POLRMT: variants seen among roughly 807,000 people sequenced by gnomAD.
The protein encoded by POLRMT is RNA polymerase mitochondrial.
In POLRMT, 114 loss-of-function variants were observed where a neutral mutation model predicts 132.2. The ratio of observed to expected loss-of-function variants is 0.86; its 90% CI spans 0.74 to 1.01. The LOEUF (loss-of-function observed/expected upper bound fraction) is 1.01, where lower values mean the gene tolerates loss of function less well. POLRMT is among the 50% of genes least tolerant of loss of function. The pLI is 0.00. For missense variants in POLRMT, 2,003 were observed against 1,729.1 expected (o/e 1.16, Z -2.81); for synonymous variants, 1,020 against 773.4 (o/e 1.32, Z -5.29).
At chr19:619,788 G>T in intron 12 of POLRMT, 23 bp from the exon 13 acceptor site, 1 of 1,552,622 alleles carries the variant, frequency 6.4e-7, no homozygotes, top group Middle Eastern at 2.4e-4. Context: ...TGGGCCGGGG[G>T]CGCGGGTCAG....
chr19:622,549 C>T (rs1005877271), intron 8 of POLRMT, 33 bp downstream of exon 8: 2 of 1,567,220 alleles, frequency 1.3e-6, no homozygotes, highest in African/African-American at 1.3e-5. Context: ...CACCACTGGC[C>T]CCAGCCAGGA....
intron 5 of POLRMT, among the ~76,000 whole-genome samples, 191 bp downstream of exon 5, chr19:624,528 C>T (rs1427448831): frequency 6.6e-6 from 1 of 152,166 alleles, no homozygotes; most frequent in East Asian, 1.9e-4. Context: ...CCCCTGAGCC[C>T]ACACCCTCAG....
At chr19:618,436 AG>A (rs1984189520) in intron 17 of POLRMT, 51 bp downstream of exon 17, 2 of 1,410,644 alleles carry the variant, frequency 1.4e-6, no homozygotes, top group Non-Finnish European at 2.0e-6. Flanking sequence ...CCTGCTAGCC[AG>A]AAGACGCCCC....
rs1425445910 is a variant in POLRMT, at chr19:622,139, T to G, written c.1851+10A>C. ...GATGCCCCCCAGCTCAGGAGGGCAC[T>G]GCCTGGCACCTGCTGGACGTTGCGG... On this transcript the variant is annotated intron_variant, in intron 9 of 20. Transcript: ENST00000588649. The G allele has an allele frequency of 3.2e-6, 5 of 1,538,684 alleles. No homozygotes were observed. In the South Asian group the frequency reaches 5.9e-5, roughly 18 times the overall value.
intron 3 of POLRMT, among the ~76,000 whole-genome samples, chr19:627,615 C>T (rs535282877): frequency 6.6e-6 from 1 of 152,080 alleles, no homozygotes; most frequent in South Asian, 2.1e-4. Flanking sequence ...ATAGAAAGTT[C>T]TACTGGATGG....
Position 624,858 on chromosome 19 carries a change from A to T in POLRMT, c.1001T>A (p.Phe334Tyr). The T allele has an allele frequency of 6.2e-7, 1 of 1,613,162 alleles. No homozygotes were observed. The highest frequency in any genetic ancestry group is 1.7e-4 in the Middle Eastern group (1 of 6,060). Residue 334 changes from phenylalanine to tyrosine, a missense_variant, in exon 5 of 21, where the codon TTC (phenylalanine) becomes TAC (tyrosine). Coordinates refer to ENST00000588649, the MANE Select transcript of POLRMT (RefSeq NM_005035.4). ...CTCCTCAGACAGCAGAACGGCGGTG[A>T]AGAGTGCCTGCAGCTTCAGCCCCTC... ...SQEGLKLQAL[F>Y]TAVLLSEEDR...
At chr19:623,839 T>C (rs1266437061) in intron 5 of POLRMT, among the ~76,000 whole-genome samples, 2 of 152,116 alleles carry the variant, frequency 1.3e-5, no homozygotes, top group Middle Eastern at 6.8e-3. Flanking sequence ...GTGCAGGGGG[T>C]GGCAGGGGCG....
chr19:619,939 G>T lies in POLRMT; in HGVS notation c.2886+19C>A. On this transcript the variant is annotated intron_variant, in intron 12 of 20. Coordinates refer to ENST00000588649, the MANE Select transcript of POLRMT (RefSeq NM_005035.4). ...TGCCCCCACGCCGAGATGCCCCCGG[G>T]CAGCAGGGCACACCCTACCTGCGCG... is the stretch of plus-strand genomic sequence containing the variant. The T allele has an allele frequency of 6.2e-7, 1 of 1,600,454 alleles. No individual in the cohort carries two copies.
intron 3 of POLRMT, among the ~76,000 whole-genome samples, chr19:626,886 T>TACACACACAC (rs143170943): frequency 1.0e-4 from 15 of 143,706 alleles, no homozygotes; most frequent in East Asian, 2.0e-4. Context: ...TCTTAAAATA[T>TACACACACAC]ACACACACAC....
intron 3 of POLRMT, chr19:625,607 T>C (rs1007322544): frequency 9.8e-6 from 2 of 204,924 alleles, no homozygotes; most frequent in Non-Finnish European, 1.9e-5. Flanking sequence ...TGTTTTAATC[T>C]TTGTAACTTC....
chr19:618,161 T>G lies in POLRMT; in HGVS notation c.3423-312A>C, dbSNP rs1984161209. On this transcript the variant is annotated intron_variant, in intron 17 of 20. Coordinates refer to ENST00000588649, the MANE Select transcript of POLRMT (RefSeq NM_005035.4). ...GGCCACCACCCCGCATCCTGAGCATTCCCAGCTCCCGTGGCCGGTAGATTC... is the reference window on the plus strand; with the variant it reads ...GGCCACCACCCCGCATCCTGAGCATGCCCAGCTCCCGTGGCCGGTAGATTC... The G allele has an allele frequency of 7.3e-6, 4 of 550,428 alleles. No individual in the cohort carries two copies. The East Asian group carries it at 1.2e-4, about 17-fold the overall frequency. The allele number at this position is 550,428 out of a possible 1,614,324, so 34.1% of individuals were successfully genotyped here. A position where few individuals can be genotyped will look rare whatever the true frequency, so the allele number is the denominator to read the frequency against.
rs1411632924 is a variant in POLRMT, at chr19:622,898, C to A, written c.1378G>T (p.Val460Leu). ...TAAAGTGAGAACCGGCCCTCGTACA[C>A]CTCGCGCTCTAGGCGGTTCTTGGTC... Reference protein sequence around the residue: ...RETKNRLEREVYEGRFSLYPF... With the variant: ...RETKNRLERELYEGRFSLYPF... The change falls in exon 7 of 21, where the codon GTG becomes TTG. Residue 460 changes from valine to leucine, a missense_variant. Val to Leu is a conservative substitution (Grantham distance 32). Coordinates refer to ENST00000588649, the MANE Select transcript of POLRMT (RefSeq NM_005035.4). 2.5e-6 allele frequency: 4 copies of A among 1,612,174 alleles called. No homozygotes were observed. The highest frequency in any genetic ancestry group is 3.4e-6 in the Non-Finnish European group (4 of 1,179,680).
At chr19:620,230 G>C (rs957916296) in intron 11 of POLRMT, 135 bp downstream of exon 11, 134 of 1,453,174 alleles carry the variant, frequency 9.2e-5, no homozygotes, top group Non-Finnish European at 1.2e-4. Context: ...GAGAGACCAG[G>C]AGCCATGGCT....
rs374932538 is a variant in POLRMT at position 617,357 on chromosome 19, C to T, written c.3644-34G>A. ...GAAGCAGAGCGGACGGCGTGGGTGGCGGGAAAGCCCCGCCCTGGCCCGCAG... is the reference window on the plus strand; with the variant it reads ...GAAGCAGAGCGGACGGCGTGGGTGGTGGGAAAGCCCCGCCCTGGCCCGCAG... On this transcript the variant is annotated intron_variant, in intron 20 of 20. Transcript: ENST00000588649. The T allele has an allele frequency of 9.7e-5, 157 of 1,612,546 alleles. No homozygotes were observed. The African/African-American group carries it at 1.3e-3, about 13-fold the overall frequency.
Position 617,862 on chromosome 19 carries a change from G to C in POLRMT, c.3423-13C>G. The C allele has an allele frequency of 6.2e-7, 1 of 1,612,540 alleles. No homozygotes were observed. The highest frequency in any genetic ancestry group is 8.5e-7 in the Non-Finnish European group (1 of 1,179,510). On this transcript the variant is annotated splice_polypyrimidine_tract_variant and intron_variant, in intron 17 of 20. Coordinates refer to ENST00000588649, the MANE Select transcript of POLRMT (RefSeq NM_005035.4). ...GGTCAGGCCCTTCCTGTGGCAGAGCGGAGGACTCCTGAAGGGAGGGGAGCT... is the reference window on the plus strand; with the variant it reads ...GGTCAGGCCCTTCCTGTGGCAGAGCCGAGGACTCCTGAAGGGAGGGGAGCT...
chr19:623,416 C>T, intron 6 of POLRMT, 38 bp downstream of exon 6: 1 of 1,571,318 alleles, frequency 6.4e-7, no homozygotes. Context: ...CCCGGCTCAG[C>T]CCCTGCGGCG....
chr19:620,133 G>A (rs1984399432), intron 11 of POLRMT, 53 bp from the exon 12 acceptor site: 10 of 1,529,410 alleles, frequency 6.5e-6, no homozygotes, highest in Admixed American at 3.9e-5. Context: ...AGAGACGTGT[G>A]GGACCCCAAA....
In POLRMT at chr19:619,928, G is replaced by A. The variant is rs41542614; in HGVS notation, c.2886+30C>T. On this transcript the variant is annotated intron_variant, in intron 12 of 20. Transcript: ENST00000588649. ...AGGGCTCACATTGCCCCCACGCCGA[G>A]ATGCCCCCGGGCAGCAGGGCACACC... 2,719 of 1,599,446 alleles carry A rather than the reference G, an allele frequency of 1.7e-3. 5 individuals carry two copies. Among genetic ancestry groups the A allele is most frequent in the Middle Eastern group, 0.01 (48 of 4,722 alleles).
chr19:624,952 G>A, intron 4 of POLRMT, 47 bp from the exon 5 acceptor site: 1 of 1,567,370 alleles, frequency 6.4e-7, no homozygotes, highest in East Asian at 2.3e-5. Context: ...CCCCACGCTG[G>A]GCTTCCACAG....
Sources: allele counts gnomAD v4.1 joint callset (sites outside exome capture counted in the v4.1 genomes callset), GRCh38; gene constraint gnomAD v4.1.1; transcripts MANE v1.5; gene names NCBI Gene and HGNC (gene_info 2026-07-23, HGNC 2026-07-21).